Variants in SPATA7 observed in about 807,000 individuals in gnomAD.
The protein encoded by SPATA7 is spermatogenesis-associated protein 7.
Under a neutral mutation model 51.8 loss-of-function variants are expected in SPATA7, and 43 were observed. That is an observed-to-expected ratio of 0.83 (90% CI 0.65 to 1.07). The LOEUF is 1.07. SPATA7 is among the 50% of genes least tolerant of loss of function. SPATA7 has a pLI of 0.00. For missense variants in SPATA7, 683 were observed against 701.3 expected (o/e 0.97, Z 0.30); for synonymous variants, 230 against 252.8 (o/e 0.91, Z 0.86).
At chr14:88,445,848 G>A (rs2077208186) in intron 3 of SPATA7, among the ~76,000 whole-genome samples, 1 of 152,114 alleles carries the variant, frequency 6.6e-6, no homozygotes, top group African/African-American at 2.4e-5. Context: ...ACTTGATCAT[G>A]GTGGATAAGC....
At chr14:88,435,294 A>T (rs1471723590) in intron 10 of SPATA7, among the ~76,000 whole-genome samples, 2 of 152,108 alleles carry the variant, frequency 1.3e-5, no homozygotes, top group Admixed American at 1.3e-4. Flanking sequence ...ATTATTTTTT[A>T]AAATTTTGTG....
chr14:88,436,387 T>G (rs1234698928), intron 10 of SPATA7, among the ~76,000 whole-genome samples: 1 of 152,186 alleles, frequency 6.6e-6, no homozygotes, highest in Non-Finnish European at 1.5e-5. Flanking sequence ...GTCTCTTCAC[T>G]TTGTTGGTTA....
exon 5 of SPATA7, chr14:88,470,098 A>C: frequency 6.4e-7 from 1 of 1,574,234 alleles, no homozygotes; most frequent in Non-Finnish European, 8.7e-7. Flanking sequence ...TATAATATAC[A>C]TAGGTATGTA....
chr14:88,397,695 T>C (rs2075927359), intron 4 of SPATA7, among the ~76,000 whole-genome samples: 2 of 151,470 alleles, frequency 1.3e-5, no homozygotes, highest in African/African-American at 4.9e-5. Flanking sequence ...ACAGGATATA[T>C]AGAATCCTTA....
intron 7 of SPATA7, 90 bp from the exon 8 acceptor site, chr14:88,429,258 T>G (rs2076876420): frequency 1.4e-6 from 1 of 722,248 alleles, no homozygotes; most frequent in Non-Finnish European, 2.5e-6. Context: ...TGGATATCTC[T>G]GTTCAATCAC....
At chr14:88,399,243 A>C (rs752731980) in intron 4 of SPATA7, among the ~76,000 whole-genome samples, 5 of 152,016 alleles carry the variant, frequency 3.3e-5, no homozygotes, top group African/African-American at 4.8e-5. Flanking sequence ...GGGAGAAAGT[A>C]ACTACCAGCT....
intron 4 of SPATA7, among the ~76,000 whole-genome samples, chr14:88,407,651 C>T (rs1426148486): frequency 2.0e-5 from 3 of 152,080 alleles, no homozygotes; most frequent in Non-Finnish European, 4.4e-5. Flanking sequence ...GTTGCCATTG[C>T]TTTTGGTGTT....
rs148392950 is a variant in SPATA7, at chr14:88,438,339, A to T, written c.1717A>T (p.Lys573Ter). 6.2e-7 allele frequency: 1 copy of T among 1,614,080 alleles called. No homozygotes were observed. The highest frequency in any genetic ancestry group is 1.6e-4 in the Middle Eastern group (1 of 6,062). ...CCAATCTGTTCAGTTCTCCAGTGTC[A>T]AAGGCGACAATAATCATGACATGGA... Reference protein sequence around the residue: ...PSQSVQFSSVKGDNNHDMELS... With the variant: ...PSQSVQFSSV Residue 573 changes from lysine to a stop codon, truncating the protein, a stop_gained, in exon 12 of 12, where the codon AAA becomes TAA. Coordinates refer to ENST00000393545, the MANE Select transcript of SPATA7 (RefSeq NM_018418.5). LOFTEE classifies it low-confidence loss of function (END_TRUNC).
intron 5 of SPATA7, among the ~76,000 whole-genome samples, chr14:88,421,486 A>G (rs2076640490): frequency 6.6e-6 from 1 of 152,200 alleles, no homozygotes; most frequent in African/African-American, 2.4e-5. Context: ...TGGGAGCCAT[A>G]GACCAGTTTT....
At chr14:88,464,982 A>T (rs2077346596) in intron 4 of SPATA7, among the ~76,000 whole-genome samples, 2 of 150,218 alleles carry the variant, frequency 1.3e-5, no homozygotes, top group African/African-American at 2.5e-5. Context: ...ACAACACCAC[A>T]CTCTCCTCCC....
intron 5 of SPATA7, 117 bp downstream of exon 5, chr14:88,416,961 G>A: frequency 1.2e-6 from 1 of 827,902 alleles, no homozygotes; most frequent in Non-Finnish European, 1.9e-6. Context: ...TAAAGATCCA[G>A]ATAGTTAATA....
chr14:88,461,850 C>T (rs192160835), intron 4 of SPATA7, among the ~76,000 whole-genome samples: 52 of 152,240 alleles, frequency 3.4e-4, no homozygotes, highest in Non-Finnish European at 3.5e-4. Flanking sequence ...ATCTTGGAAC[C>T]GCAAACAGTA....
intron 4 of SPATA7, chr14:88,467,895 C>T (rs1013112697): frequency 8.3e-5 from 47 of 567,502 alleles, no homozygotes; most frequent in South Asian, 4.4e-4. Flanking sequence ...CCGGACAGAC[C>T]GGGGCAGGGC....
At position 88,427,702 on chromosome 14, in the gene SPATA7, A is replaced by G; in HGVS notation, c.912+6A>G. On this transcript the variant is annotated splice_donor_region_variant and intron_variant, in intron 7 of 11. Coordinates refer to ENST00000393545, the MANE Select transcript of SPATA7 (RefSeq NM_018418.5). Reference sequence around the variant, plus strand: ...CAGAAATGAACATAAAGCAGGTAATAAGTATGAAATCTTTTGGTATTGCTA... The same window carrying G: ...CAGAAATGAACATAAAGCAGGTAATGAGTATGAAATCTTTTGGTATTGCTA... 1 of 1,598,542 alleles carries G rather than the reference A, an allele frequency of 6.3e-7. No homozygotes were observed. The highest frequency in any genetic ancestry group is 8.6e-7 in the Non-Finnish European group (1 of 1,166,448).
rs371881248 is a variant in SPATA7 at position 88,399,430 on chromosome 14, T to C, written c.238+3227T>C. 8.9e-4 allele frequency among the ~76,000 whole-genome samples: 136 copies of C among 152,264 alleles called. 2 individuals carry two copies. The South Asian group carries it at 0.028, about 31-fold the overall frequency. ...GGAAAAAAGGCATGTTAGGCAAGAG[T>C]AGAGACTTCTTAGTACATATTTTTA... On this transcript the variant is annotated intron_variant, in intron 4 of 11. Coordinates refer to ENST00000393545, the MANE Select transcript of SPATA7 (RefSeq NM_018418.5).
At chr14:88,458,122 G>T (rs530655154), downstream of SPATA7, among the ~76,000 whole-genome samples, 6 of 151,982 alleles carry the variant, frequency 3.9e-5, no homozygotes, top group African/African-American at 1.5e-4. Flanking sequence ...TGCTGGATTC[G>T]GTTTGCCAGT....
chr14:88,411,254 A>C (rs2076334708), intron 4 of SPATA7, among the ~76,000 whole-genome samples: 1 of 152,098 alleles, frequency 6.6e-6, no homozygotes, highest in Non-Finnish European at 1.5e-5. Flanking sequence ...TCAACTTCAG[A>C]CTGCTGTGCT....
chr14:88,453,788 C>A (rs1211111557), intron 3 of SPATA7, among the ~76,000 whole-genome samples: 1 of 152,042 alleles, frequency 6.6e-6, no homozygotes, highest in Non-Finnish European at 1.5e-5. Context: ...AAGATGCCAC[C>A]CTGAGTTACT....
At chr14:88,444,054 G>A (rs1283711062) in intron 3 of SPATA7, among the ~76,000 whole-genome samples, 22 of 151,744 alleles carry the variant, frequency 1.4e-4, no homozygotes, top group Admixed American at 1.2e-3. Flanking sequence ...CTGAGGAATC[G>A]CCACACTGAC....
Sources: allele counts gnomAD v4.1 joint callset (sites outside exome capture counted in the v4.1 genomes callset), GRCh38; gene constraint gnomAD v4.1.1; transcripts MANE v1.5; gene names NCBI Gene and HGNC (gene_info 2026-07-23, HGNC 2026-07-21).